Variants in MICA observed in about 807,000 individuals in gnomAD.
The protein encoded by MICA is HLA class I antigen.
A neutral mutation model predicts 34.3 loss-of-function variants in MICA; 18 were observed. The ratio of observed to expected loss-of-function variants is 0.52; its 90% CI spans 0.36 to 0.78. The LOEUF (loss-of-function observed/expected upper bound fraction) is 0.78. Ranked by LOEUF, MICA falls within the 30% of genes least tolerant of loss-of-function variation. The pLI, the probability that MICA is intolerant of heterozygous loss-of-function variation, is 0.00. For missense variants in MICA, 333 were observed against 409.4 expected, an observed-to-expected ratio of 0.81 and a Z score of 1.61; for synonymous variants, 135 against 156.9, an observed-to-expected ratio of 0.86 and a Z score of 1.04.
chr6:31,407,722 G>C (rs1403614529), intron 1 of MICA, among the ~76,000 whole-genome samples: 3 of 151,868 alleles, frequency 2.0e-5, no homozygotes, highest in Non-Finnish European at 4.4e-5. Context: ...TACTGAATTT[G>C]TTCTTCAGTT....
chr6:31,410,915 G>T (rs1771096141), intron 2 of MICA, 118 bp downstream of exon 2: 1 of 1,471,516 alleles, frequency 6.8e-7, no homozygotes, highest in East Asian at 2.5e-5. Context: ...TGAGGAATGG[G>T]GGTCAGTGGA....
rs1450158882 is a variant in MICA, at chr6:31,411,317, C to A, written c.571C>A (p.Leu191Ile). ...HAMHADCLQE[L>I]RRYLESGVVL... The stretch of plus-strand genomic sequence containing the variant: ...TATGCATGCAGACTGCCTGCAGGAA[C>A]TACGGCGATATCTAGAATCCGGCGT... Residue 191 changes from leucine to isoleucine, a missense_variant, in exon 3 of 6, where the codon CTA (leucine) becomes ATA (isoleucine). Coordinates refer to ENST00000449934, the MANE Select transcript of MICA (RefSeq NM_001177519.3). This position sits in a 1 kb window ranked among gnomAD's most constrained non-coding sequence, Gnocchi z 4.3. 2 of 1,596,466 alleles carry A rather than the reference C, an allele frequency of 1.3e-6. No homozygotes were observed. Among genetic ancestry groups the A allele is most frequent in the African/African-American group, 2.7e-5 (2 of 74,186 alleles).
chr6:31,408,553 G>A (rs201406408), intron 1 of MICA, among the ~76,000 whole-genome samples: 66 of 150,886 alleles, frequency 4.4e-4, no homozygotes, highest in Middle Eastern at 3.4e-3. Context: ...AAAACTCTGT[G>A]CCCATTAATC....
Position 31,403,788 on chromosome 6 carries a change from G to C in MICA, c.70+86G>C. On this transcript the variant is annotated intron_variant, in intron 1 of 5. Coordinates refer to ENST00000449934, the MANE Select transcript of MICA (RefSeq NM_001177519.3). The surrounding 1 kb of genome is among the most constrained non-coding windows in gnomAD (Gnocchi z 4.7). ...GGGTGGGTAGCGGCGAGCGCTGTGC[G>C]GTCAGGGCGGGGCTCCTGTGCCCTG... 1 of 1,299,720 alleles carries C rather than the reference G, an allele frequency of 7.7e-7. No homozygotes were observed. The highest frequency in any genetic ancestry group is 1.5e-5 in the African/African-American group (1 of 64,636). 80.5% of individuals were successfully genotyped at this position (1,299,720 alleles called of 1,614,324 possible).
intron 4 of MICA, 44 bp downstream of exon 4, chr6:31,412,269 ACAG>A: frequency 1.2e-6 from 2 of 1,606,560 alleles, no homozygotes; most frequent in Non-Finnish European, 1.7e-6. Context: ...CAGGGTAGGG[ACAG>A]CAGGGATGGC....
chr6:31,410,348 C>T (rs149888255), intron 1 of MICA, among the ~76,000 whole-genome samples, 195 bp from the exon 2 acceptor site: 5,225 of 151,856 alleles, frequency 0.034, 346 homozygotes, highest in African/African-American at 0.11. Flanking sequence ...TTCATTCCCC[C>T]TTCTTCTGTT....
At chr6:31,412,281 G>C (rs753825723) in intron 4 of MICA, 44 bp from the exon 5 acceptor site, 2 of 1,605,982 alleles carry the variant, frequency 1.2e-6, no homozygotes, top group Non-Finnish European at 1.7e-6. Flanking sequence ...AGCAGGGATG[G>C]CTGTGGCTCT....
At chr6:31,404,233 G>A (rs1314878117) in intron 1 of MICA, among the ~76,000 whole-genome samples, 2 of 151,640 alleles carry the variant, frequency 1.3e-5, no homozygotes, top group Admixed American at 1.3e-4. Flanking sequence ...GGGACTGTGG[G>A]GGGTCCTGAC....
Position 31,404,491 on chromosome 6 carries a change from C to G in MICA, c.70+789C>G, listed in dbSNP as rs933549614. On this transcript the variant is annotated intron_variant, in intron 1 of 5. Transcript: ENST00000449934. The stretch of plus-strand genomic sequence containing the variant: ...CTGCTACCCCTTCCTGTGTGCTGTT[C>G]TCTGATCCATTTCTAGGGTGTCCTC... 2.0e-5 allele frequency among the ~76,000 whole-genome samples: 3 copies of G among 151,656 alleles called. 1 individual carries two copies. The highest frequency in any genetic ancestry group is 7.3e-5 in the African/African-American group (3 of 41,158).
At chr6:31,412,694 G>A (rs970891317) in intron 5 of MICA, among the ~76,000 whole-genome samples, 3 of 151,890 alleles carry the variant, frequency 2.0e-5, no homozygotes, top group Non-Finnish European at 2.9e-5. Context: ...GTGAGGAGTG[G>A]GCAGCAGGGA....
intron 1 of MICA, among the ~76,000 whole-genome samples, chr6:31,404,823 C>A (rs1229748937): frequency 2.0e-5 from 3 of 151,302 alleles, no homozygotes; most frequent in Non-Finnish European, 2.9e-5. Context: ...GGCCCCTTCC[C>A]CACTCCTTCA....
chr6:31,408,280 C>T (rs1377500819), intron 1 of MICA, among the ~76,000 whole-genome samples: 2 of 151,886 alleles, frequency 1.3e-5, no homozygotes, highest in African/African-American at 4.8e-5. Flanking sequence ...CATCGGTGTT[C>T]ATCAGGGATA....
chr6:31,409,867 T>G (rs1770981269), intron 1 of MICA, among the ~76,000 whole-genome samples: 1 of 151,854 alleles, frequency 6.6e-6, no homozygotes, highest in Non-Finnish European at 1.5e-5. Flanking sequence ...AAAGATCAAC[T>G]GACTCTTTGT....
chr6:31,415,174 G>T lies in MICA; in HGVS notation c.*192G>T. ...CCAGGCGGCTGGAATTGAATTCCCTGCCTGGATCTCACAAGCACTTTCCCT... is the reference window on the plus strand; with the variant it reads ...CCAGGCGGCTGGAATTGAATTCCCTTCCTGGATCTCACAAGCACTTTCCCT... On this transcript the variant is annotated 3_prime_UTR_variant, in exon 6 of 6. Transcript: ENST00000449934. The T allele has an allele frequency of 1.2e-6, 1 of 835,582 alleles. No individual in the cohort carries two copies. Among genetic ancestry groups the T allele is most frequent in the East Asian group, 2.7e-5 (1 of 37,492 alleles). The allele number at this position is 835,582 out of a possible 1,614,324, so 51.8% of individuals were successfully genotyped here. A position where few individuals can be genotyped will look rare whatever the true frequency, so the allele number is the denominator to read the frequency against.
chr6:31,409,362 G>C (rs535352396), intron 1 of MICA, among the ~76,000 whole-genome samples: 1 of 139,894 alleles, frequency 7.1e-6, no homozygotes, highest in Admixed American at 7.2e-5. Context: ...CATCCTGATT[G>C]GTTTCAGGTG....
chr6:31,402,386 G>C (rs1313237003), upstream of MICA: 1 of 152,048 alleles, frequency 6.6e-6, no homozygotes, highest in African/African-American at 2.4e-5. Context: ...CACGTTTACT[G>C]CAACCCTGGG....
upstream of MICA, among the ~76,000 whole-genome samples, chr6:31,401,583 C>T (rs144037649): frequency 3.2e-3 from 488 of 151,318 alleles, 8 homozygotes; most frequent in Middle Eastern, 0.01. Flanking sequence ...ATTGCTTGAG[C>T]CCAGGCATTC....
chr6:31,405,729 C>T (rs1253315995), intron 1 of MICA, among the ~76,000 whole-genome samples: 1 of 151,842 alleles, frequency 6.6e-6, no homozygotes, highest in African/African-American at 2.4e-5. Flanking sequence ...CCCTTCTCAG[C>T]CTCTGGTAAT....
chr6:31,411,124 C>G lies in MICA; in HGVS notation c.378C>G (p.Ser126Arg), dbSNP rs1220578744. The change falls in exon 3 of 6, where the codon AGC becomes AGG. Residue 126 changes from serine to arginine, a missense_variant. By Grantham distance (110) the Ser-to-Arg change is moderately radical (BLOSUM62 -1). Coordinates refer to ENST00000449934, the MANE Select transcript of MICA (RefSeq NM_001177519.3). This position sits in a 1 kb window ranked among gnomAD's most constrained non-coding sequence, Gnocchi z 4.3. ...IRVCEIHEDN[S>R]TRSSQHFYYD... ...TCTGTGAGATCCATGAAGACAACAG[C>G]ACCAGGAGCTCCCAGCATTTCTACT... 6.2e-7 allele frequency: 1 copy of G among 1,610,262 alleles called. No individual in the cohort carries two copies. Among genetic ancestry groups the G allele is most frequent in the African/African-American group, 1.3e-5 (1 of 74,630 alleles).
Sources: allele counts gnomAD v4.1 joint callset (sites outside exome capture counted in the v4.1 genomes callset), GRCh38; gene constraint gnomAD v4.1.1; non-coding constraint Gnocchi (gnomAD v3.1); transcripts MANE v1.5; gene names NCBI Gene and HGNC (gene_info 2026-07-23, HGNC 2026-07-21).